The following CEP55 variants were observed in gnomAD, a reference collection of about 807,000 sequenced individuals.
CEP55 encodes the protein centrosomal protein 55.
In CEP55, 57 loss-of-function variants were observed where a neutral mutation model predicts 63.2. That is an observed-to-expected ratio of 0.90 (90% CI 0.73 to 1.13). The LOEUF (loss-of-function observed/expected upper bound fraction) is 1.13. Ranked by LOEUF, CEP55 falls within the 50% of genes most tolerant of loss-of-function variation. The pLI, the probability that CEP55 is intolerant of heterozygous loss-of-function variation, is 0.00. For synonymous variants in CEP55, 178 were observed against 191.6 expected (o/e 0.93, Z 0.59); for missense variants, 456 against 518.9 (o/e 0.88, Z 1.18).
chr10:93,526,004 T>C (rs1193782209), intron 8 of CEP55, among the ~76,000 whole-genome samples: 1 of 152,198 alleles, frequency 6.6e-6, no homozygotes, highest in Non-Finnish European at 1.5e-5. Context: ...ACCTAGGCAA[T>C]ACCATTCAGG....
At chr10:93,511,081 G>C (rs7085459) in intron 4 of CEP55, among the ~76,000 whole-genome samples, 79,543 of 151,740 alleles carry the variant, frequency 0.52, 21,506 homozygotes, top group Middle Eastern at 0.59. Context: ...TGGGATTACA[G>C]GCACCTGCCA....
intron 5 of CEP55, among the ~76,000 whole-genome samples, 192 bp downstream of exon 5, chr10:93,515,747 A>G (rs1460418879): frequency 1.3e-5 from 2 of 152,252 alleles, no homozygotes; most frequent in Non-Finnish European, 2.9e-5. Flanking sequence ...GAAAGTACCA[A>G]CACAGGCTAA....
chr10:93,500,956 C>T (rs1321966216), intron 2 of CEP55, among the ~76,000 whole-genome samples: 1 of 151,950 alleles, frequency 6.6e-6, no homozygotes, highest in East Asian at 1.9e-4. Flanking sequence ...CTAAATTACT[C>T]GTTGATGTAC....
At chr10:93,525,059 T>C (rs929554850) in intron 8 of CEP55, among the ~76,000 whole-genome samples, 1 of 151,214 alleles carries the variant, frequency 6.6e-6, no homozygotes, top group Admixed American at 6.6e-5. Flanking sequence ...TCACCACTCC[T>C]ATTCAACATA....
At chr10:93,524,707 C>T (rs1353636467) in intron 8 of CEP55, among the ~76,000 whole-genome samples, 3 of 152,226 alleles carry the variant, frequency 2.0e-5, no homozygotes, top group African/African-American at 7.2e-5. Context: ...ACTGGCAAAC[C>T]AAATCCAGCA....
intron 8 of CEP55, among the ~76,000 whole-genome samples, chr10:93,521,217 G>A (rs575243441): frequency 1.9e-3 from 288 of 152,212 alleles, no homozygotes; most frequent in Non-Finnish European, 3.1e-3. Context: ...GGTGACTGAC[G>A]GCACCTGGAA....
rs766095490 is a variant in CEP55 at position 93,503,150 on chromosome 10, C to G, written c.221C>G (p.Ala74Gly). ...CTTGAGGCTGAGAAGGAGAAGAATG[C>G]TTATCAACTCACAGAGAAGGACAAA... ...RVLEAEKEKN[A>G]YQLTEKDKEI... Residue 74 changes from alanine (A) to glycine (G), a missense_variant, in exon 3 of 9, where the codon GCT becomes GGT. By Grantham distance (60) the Ala-to-Gly change is moderately conservative. Coordinates refer to ENST00000371485, the MANE Select transcript of CEP55 (RefSeq NM_018131.5). 10 of 1,613,940 alleles carry G rather than the reference C, an allele frequency of 6.2e-6. No homozygotes were observed. The highest frequency in any genetic ancestry group is 8.5e-6 in the Non-Finnish European group (10 of 1,179,938).
intron 8 of CEP55, among the ~76,000 whole-genome samples, chr10:93,524,561 A>G (rs1261793006): frequency 1.3e-5 from 2 of 152,262 alleles, no homozygotes; most frequent in Non-Finnish European, 2.9e-5. Context: ...ACAATAGAAA[A>G]AAAGGGAGTC....
Position 93,512,532 on chromosome 10 carries a change from A to G in CEP55, c.529-2873A>G, listed in dbSNP as rs2057764020. The stretch of plus-strand genomic sequence containing the variant: ...TCCGTCTCAAAAAAAAAAAAAAAAA[A>G]AAAAATTTCATGACCATTTAATTTT... On this transcript the variant is annotated intron_variant, in intron 4 of 8. Transcript: ENST00000371485. Among the ~76,000 whole-genome samples the G allele has an allele frequency of 1.3e-5, 2 of 152,148 alleles. 1 individual carries two copies. The highest frequency in any genetic ancestry group is 4.1e-4 in the South Asian group (2 of 4,822).
chr10:93,524,422 G>T lies in CEP55; in HGVS notation c.1192-3528G>T, dbSNP rs1274706484. On this transcript the variant is annotated intron_variant, in intron 8 of 8. Coordinates refer to ENST00000371485, the MANE Select transcript of CEP55 (RefSeq NM_018131.5). ...TGAATCTCTGAATAGATCAATAACAGGCTCTGAAATTGAGGCAATAATTAA... is the reference window on the plus strand; with the variant it reads ...TGAATCTCTGAATAGATCAATAACATGCTCTGAAATTGAGGCAATAATTAA... 2.6e-5 allele frequency among the ~76,000 whole-genome samples: 4 copies of T among 152,032 alleles called. No individual in the cohort carries two copies. In the East Asian group the frequency reaches 5.8e-4, roughly 22 times the overall value.
At chr10:93,498,871 G>C (rs369862642) in intron 1 of CEP55, among the ~76,000 whole-genome samples, 1 of 151,018 alleles carries the variant, frequency 6.6e-6, no homozygotes, top group South Asian at 2.1e-4. Flanking sequence ...TAAATAGTAG[G>C]CTTTATAGTA....
At chr10:93,516,845 G>A (rs2057808069) in intron 5 of CEP55, 90 bp from the exon 6 acceptor site, 1 of 896,734 alleles carries the variant, frequency 1.1e-6, no homozygotes, top group African/African-American at 1.7e-5. Flanking sequence ...TAAGGAAATA[G>A]TGTGATTCAT....
At chr10:93,515,945 A>G (rs1245126962) in intron 5 of CEP55, among the ~76,000 whole-genome samples, 1 of 152,120 alleles carries the variant, frequency 6.6e-6, no homozygotes, top group Non-Finnish European at 1.5e-5. Context: ...CCTTTTTTAG[A>G]TGATCCTTAA....
At position 93,515,458 on chromosome 10, in the gene CEP55, T is replaced by C. The variant is rs758453009; in HGVS notation, c.582T>C (p.Tyr194=). The part of the protein sequence containing the change: ...WLVYDQQREV[Y]VKGLLAKIFE... ...TGTATGATCAGCAGCGGGAAGTCTA[T>C]GTAAAAGGACTTTTAGCAAAGATCT... The change falls in exon 5 of 9, where the codon TAT becomes TAC. Residue 194 remains tyrosine, a synonymous_variant. Coordinates refer to ENST00000371485, the MANE Select transcript of CEP55 (RefSeq NM_018131.5). 5.0e-6 allele frequency: 8 copies of C among 1,613,764 alleles called. No individual in the cohort carries two copies. Among genetic ancestry groups the C allele is most frequent in the Middle Eastern group, 1.7e-4 (1 of 6,060 alleles).
At chr10:93,521,233 G>A (rs907469907) in intron 8 of CEP55, among the ~76,000 whole-genome samples, 2 of 152,118 alleles carry the variant, frequency 1.3e-5, no homozygotes, top group Admixed American at 6.5e-5. Context: ...TGGAAAATCA[G>A]GTCATTCCCA....
intron 3 of CEP55, among the ~76,000 whole-genome samples, chr10:93,506,653 C>T (rs947935347): frequency 1.3e-5 from 2 of 152,092 alleles, no homozygotes; most frequent in Non-Finnish European, 2.9e-5. Context: ...CTGCAGCCTC[C>T]ACCTCCCGGG....
At chr10:93,500,270 T>C in intron 2 of CEP55, 36 bp downstream of exon 2, 1 of 1,531,762 alleles carries the variant, frequency 6.5e-7, no homozygotes, top group South Asian at 1.2e-5. Flanking sequence ...TTGTAAGCTC[T>C]CCAAGAAAGC....
intron 4 of CEP55, among the ~76,000 whole-genome samples, chr10:93,508,634 A>G (rs1000086958): frequency 2.0e-5 from 3 of 152,146 alleles, no homozygotes; most frequent in Non-Finnish European, 4.4e-5. Context: ...CTGCACCACA[A>G]TGGCTTTCCA....
At chr10:93,523,117 T>C (rs1350193617) in intron 8 of CEP55, among the ~76,000 whole-genome samples, 2 of 152,130 alleles carry the variant, frequency 1.3e-5, no homozygotes, top group Non-Finnish European at 2.9e-5. Flanking sequence ...ATGGGCTAAA[T>C]GCTACAATTA....
Sources: allele counts gnomAD v4.1 joint callset (sites outside exome capture counted in the v4.1 genomes callset), GRCh38; gene constraint gnomAD v4.1.1; transcripts MANE v1.5; gene names NCBI Gene and HGNC (gene_info 2026-07-23, HGNC 2026-07-21).